MIA2: variants seen among roughly 807,000 people sequenced by gnomAD.
MIA2 encodes the protein melanoma inhibitory activity protein 2.
Under a neutral mutation model 167.8 loss-of-function variants are expected in MIA2, and 127 were observed. The ratio of observed to expected loss-of-function variants is 0.76; its 90% CI spans 0.66 to 0.88. The LOEUF (loss-of-function observed/expected upper bound fraction) is 0.88, where lower values mean the gene tolerates loss of function less well. MIA2 is among the 40% of genes least tolerant of loss of function. MIA2 has a pLI of 0.00. For missense variants in MIA2, 1,690 were observed against 1,624.7 expected, an observed-to-expected ratio of 1.04 and a Z score of -0.69; for synonymous variants, 552 against 541.9, an observed-to-expected ratio of 1.02 and a Z score of -0.26.
intron 20 of MIA2, 109 bp from the exon 21 acceptor site, chr14:39,315,574 G>C: frequency 1.3e-6 from 1 of 785,856 alleles, no homozygotes; most frequent in South Asian, 1.8e-5. Flanking sequence ...ACTCTTCAGA[G>C]ATGCTTGGGA....
chr14:39,305,466 A>G (rs1254176999), intron 17 of MIA2, among the ~76,000 whole-genome samples: 2 of 152,164 alleles, frequency 1.3e-5, no homozygotes, highest in African/African-American at 2.4e-5. Flanking sequence ...TTGGAGACCT[A>G]TGTCTCCTTG....
chr14:39,285,467 C>G (rs1429588901), intron 9 of MIA2, among the ~76,000 whole-genome samples: 3 of 115,834 alleles, frequency 2.6e-5, no homozygotes, highest in Admixed American at 8.2e-5. Flanking sequence ...GCTGGCCGGG[C>G]GGGGGCTGAC....
At chr14:39,358,505 C>A (rs1430825625) in intron 23 of MIA2, among the ~76,000 whole-genome samples, 1 of 152,118 alleles carries the variant, frequency 6.6e-6, no homozygotes, top group Non-Finnish European at 1.5e-5. Context: ...TTCGAACTTC[C>A]TCCTTTAGCT....
chr14:39,317,134 T>C (rs1340902373), intron 21 of MIA2, among the ~76,000 whole-genome samples: 1 of 152,178 alleles, frequency 6.6e-6, no homozygotes. Flanking sequence ...TCACGTGTTC[T>C]AGAGCACAGG....
In MIA2 at chr14:39,357,127, G is replaced by T. The variant is rs142772612; in HGVS notation, c.2248+8150G>T. Among the ~76,000 whole-genome samples, 915 of 152,190 alleles carry T rather than the reference G, an allele frequency of 6.0e-3. 3 individuals carry two copies. Among genetic ancestry groups the T allele is most frequent in the Non-Finnish European group, 0.01 (699 of 68,028 alleles). On this transcript the variant is annotated intron_variant, in intron 23 of 23. Coordinates refer to the MIA2 transcript ENST00000341502. The stretch of plus-strand genomic sequence containing the variant: ...ATCCTTGTTAACTTTCTGTCTCGTT[G>T]ATCTGTCTAATGTTGACAATGGGGT...
intron 6 of MIA2, among the ~76,000 whole-genome samples, chr14:39,274,422 T>C (rs1347620848): frequency 6.6e-6 from 1 of 151,032 alleles, no homozygotes; most frequent in Non-Finnish European, 1.5e-5. Flanking sequence ...TTTCTTTTTT[T>C]CTTTTTTTCT....
chr14:39,347,822 T>A, intron 27 of MIA2, 51 bp downstream of exon 27: 1 of 1,299,292 alleles, frequency 7.7e-7, no homozygotes, highest in Non-Finnish European at 1.0e-6. Flanking sequence ...AGCCTTCTTT[T>A]TTTTTTTTTT....
intron 23 of MIA2, among the ~76,000 whole-genome samples, chr14:39,361,793 A>G (rs1398353891): frequency 6.6e-6 from 1 of 152,148 alleles, no homozygotes; most frequent in Non-Finnish European, 1.5e-5. Context: ...CAGTTCTTAG[A>G]GGAAAGGTTT....
At chr14:39,361,190 T>A (rs2074674703) in intron 23 of MIA2, among the ~76,000 whole-genome samples, 1 of 152,188 alleles carries the variant, frequency 6.6e-6, no homozygotes, top group Non-Finnish European at 1.5e-5. Flanking sequence ...AAAAATTATG[T>A]TGGTATTTTG....
intron 8 of MIA2, 34 bp downstream of exon 8, chr14:39,279,392 TGTGTTGTAA>T: frequency 6.2e-7 from 1 of 1,606,746 alleles, no homozygotes; most frequent in Non-Finnish European, 8.5e-7. Context: ...CTCTCATTGT[TGTGTTGTAA>T]AAACTTATAA....
intron 4 of MIA2, among the ~76,000 whole-genome samples, chr14:39,249,491 A>G (rs1241179121): frequency 1.3e-5 from 2 of 152,070 alleles, no homozygotes; most frequent in Non-Finnish European, 2.9e-5. Context: ...TGCCCAGCTG[A>G]TAACAAGGGT....
intron 25 of MIA2, among the ~76,000 whole-genome samples, chr14:39,338,384 A>G (rs2070960594): frequency 6.6e-6 from 1 of 152,208 alleles, no homozygotes. Flanking sequence ...ATCTTATTGT[A>G]TATCATACAC....
At position 39,309,820 on chromosome 14, in the gene MIA2, G is replaced by A. The variant is rs1268460362; in HGVS notation, c.3017+1233G>A. Among the ~76,000 whole-genome samples the A allele has an allele frequency of 2.6e-5, 4 of 152,152 alleles. No individual in the cohort carries two copies. In the East Asian group the frequency reaches 7.7e-4, roughly 29 times the overall value. On this transcript the variant is annotated intron_variant, in intron 18 of 28. Coordinates refer to ENST00000640607, the MANE Select transcript of MIA2 (RefSeq NM_001329214.4). ...TTGAATATATGTACAAATATGTTCA[G>A]TGCCTTTATATATTGGAGTGAAGGA...
intron 24 of MIA2, 87 bp from the exon 25 acceptor site, chr14:39,326,777 G>T (rs1408820483): frequency 8.2e-6 from 10 of 1,218,036 alleles, no homozygotes; most frequent in Non-Finnish European, 1.1e-5. Flanking sequence ...TATAATTTAT[G>T]ATTTAACCAC....
chr14:39,317,908 A>G (rs771597713), intron 21 of MIA2, 36 bp from the exon 22 acceptor site: 11 of 1,413,434 alleles, frequency 7.8e-6, no homozygotes, highest in African/African-American at 5.9e-5. Context: ...TTAAGTTTAT[A>G]TAAATATATT....
chr14:39,325,245 TA>T lies in MIA2; in HGVS notation c.3497-1616del, dbSNP rs35460254. ...CTTGTCTCAAAAAAAAAAATGTTTTTAAAGCTGTTCCTTGAGAATAATAAGC... is the reference window on the plus strand; with the variant it reads ...CTTGTCTCAAAAAAAAAAATGTTTTTAAGCTGTTCCTTGAGAATAATAAGC... On this transcript the variant is annotated intron_variant, in intron 24 of 28. Coordinates refer to ENST00000640607, the MANE Select transcript of MIA2 (RefSeq NM_001329214.4). 1.8e-3 allele frequency among the ~76,000 whole-genome samples: 280 copies of T among 151,604 alleles called. 2 individuals carry two copies. The highest frequency in any genetic ancestry group is 8.1e-3 in the Admixed American group (123 of 15,220).
intron 6 of MIA2, among the ~76,000 whole-genome samples, chr14:39,263,647 T>C (rs1277121702): frequency 6.6e-6 from 1 of 151,004 alleles, no homozygotes; most frequent in Non-Finnish European, 1.5e-5. Context: ...TTTTTTTTTT[T>C]CTGAGACAGA....
chr14:39,359,136 C>T (rs1268795639), intron 23 of MIA2, among the ~76,000 whole-genome samples: 1 of 152,200 alleles, frequency 6.6e-6, no homozygotes, highest in Non-Finnish European at 1.5e-5. Flanking sequence ...TTTGGCTGTG[C>T]CCTGCCCCCA....
intron 9 of MIA2, among the ~76,000 whole-genome samples, chr14:39,283,489 A>C (rs551452906): frequency 1.3e-5 from 2 of 152,312 alleles, no homozygotes; most frequent in African/African-American, 4.8e-5. Context: ...AATGTTATTC[A>C]AAGGACAAAG....
Sources: allele counts gnomAD v4.1 joint callset (sites outside exome capture counted in the v4.1 genomes callset), GRCh38; gene constraint gnomAD v4.1.1; transcripts MANE v1.5; gene names NCBI Gene and HGNC (gene_info 2026-07-23, HGNC 2026-07-21).